The following CSMD1 variants were observed in gnomAD, a reference collection of about 807,000 sequenced individuals.
CSMD1 encodes the protein CUB and Sushi multiple domains 1, also known as CUB and sushi domain-containing protein 1.
Under a neutral mutation model 417.5 loss-of-function variants are expected in CSMD1, and 213 were observed. The ratio of observed to expected loss-of-function variants is 0.51; its 90% confidence interval spans 0.46 to 0.57. The LOEUF (loss-of-function observed/expected upper bound fraction) is 0.57. Ranked by LOEUF, CSMD1 falls within the 20% of genes least tolerant of loss-of-function variation. The probability of loss-of-function intolerance (pLI) is 0.00; values close to 1 mark genes in which losing one functional copy is unlikely to be tolerated. For synonymous variants in CSMD1, 2,862 were observed against 1,736.8 expected (o/e 1.65, Z -16.11); for missense variants, 6,923 against 4,529.7 (o/e 1.53, Z -15.17).
intron 3 of CSMD1, among the ~76,000 whole-genome samples, chr8:4,117,039 G>A (rs553605482): frequency 1.7e-4 from 26 of 151,794 alleles, no homozygotes; most frequent in Non-Finnish European, 2.8e-4. Flanking sequence ...TTCGCAGTTT[G>A]GAAACTGTCA....
chr8:4,556,674 A>G (rs1215927433), intron 2 of CSMD1, among the ~76,000 whole-genome samples: 1 of 152,204 alleles, frequency 6.6e-6, no homozygotes, highest in Non-Finnish European at 1.5e-5. Flanking sequence ...CAAACAACAA[A>G]AGTTTTTTTC....
chr8:3,293,195 G>A (rs556886859), intron 25 of CSMD1, among the ~76,000 whole-genome samples: 76 of 152,224 alleles, frequency 5.0e-4, no homozygotes, highest in African/African-American at 1.1e-3. Flanking sequence ...CGAGAGATCC[G>A]CTGTTGGTCT....
chr8:3,898,090 T>C (rs570969335), intron 5 of CSMD1, among the ~76,000 whole-genome samples: 24 of 152,252 alleles, frequency 1.6e-4, no homozygotes, highest in African/African-American at 5.5e-4. Context: ...TATATTACAA[T>C]CGCCCTGACA....
rs1452709676 is a variant in CSMD1, at chr8:3,408,822, G to C, written c.1745-597C>G. On this transcript the variant is annotated intron_variant, in intron 13 of 69. Transcript: ENST00000635120. Reference sequence around the variant, plus strand: ...TATTATATAAATAATTTTTTGGAGGGAGAAACTGTTGGATTTATCTCTAGA... The same window carrying C: ...TATTATATAAATAATTTTTTGGAGGCAGAAACTGTTGGATTTATCTCTAGA... Among the ~76,000 whole-genome samples the C allele has an allele frequency of 2.6e-5, 4 of 151,894 alleles. 1 individual carries two copies. The highest frequency in any genetic ancestry group is 3.9e-4 in the East Asian group (2 of 5,180).
intron 40 of CSMD1, among the ~76,000 whole-genome samples, chr8:3,150,964 G>A (rs1819159081): frequency 6.6e-6 from 1 of 151,920 alleles, no homozygotes; most frequent in Admixed American, 6.6e-5. Context: ...TAGCAAAAAT[G>A]TATAAAACAA....
At chr8:4,688,637 T>G (rs1435183005) in intron 1 of CSMD1, among the ~76,000 whole-genome samples, 1 of 152,066 alleles carries the variant, frequency 6.6e-6, no homozygotes, top group East Asian at 1.9e-4. Context: ...TCAGAGCCAT[T>G]TGGGGGGGTC....
At position 4,814,662 on chromosome 8, in the gene CSMD1, G is replaced by C. The variant is rs79236464; in HGVS notation, c.86-177104C>G. On this transcript the variant is annotated intron_variant, in intron 1 of 69. Transcript: ENST00000635120. ...TGTGCTGTATACTAGTAGGAGACTT[G>C]GTGTATATGGGTGAACACAACAGCA... Among the ~76,000 whole-genome samples, 191 of 152,216 alleles carry C rather than the reference G, an allele frequency of 1.3e-3. 5 individuals carry two copies. The East Asian group carries it at 0.032, about 25-fold the overall frequency.
At chr8:4,181,610 A>C (rs1218630480) in intron 3 of CSMD1, among the ~76,000 whole-genome samples, 1 of 152,222 alleles carries the variant, frequency 6.6e-6, no homozygotes, top group Non-Finnish European at 1.5e-5. Context: ...TATAAGGCTT[A>C]AAATTCATTT....
chr8:3,484,466 T>C (rs1457878729), intron 11 of CSMD1, among the ~76,000 whole-genome samples: 1 of 152,284 alleles, frequency 6.6e-6, no homozygotes, highest in African/African-American at 2.4e-5. Context: ...AAATGTAATA[T>C]GTAAAACTGT....
intron 23 of CSMD1, among the ~76,000 whole-genome samples, chr8:3,336,677 G>C (rs1225762772): frequency 1.3e-5 from 2 of 152,160 alleles, no homozygotes; most frequent in Non-Finnish European, 2.9e-5. Flanking sequence ...CATCCAGACA[G>C]AGGACCCAGA....
chr8:3,787,840 A>G (rs1366961167), intron 5 of CSMD1, among the ~76,000 whole-genome samples: 1 of 152,230 alleles, frequency 6.6e-6, no homozygotes, highest in Non-Finnish European at 1.5e-5. Context: ...CCTATCTTGC[A>G]AAGCAAGAAA....
intron 3 of CSMD1, among the ~76,000 whole-genome samples, chr8:4,145,440 G>A (rs961921514): frequency 6.6e-6 from 1 of 151,096 alleles, no homozygotes; most frequent in Non-Finnish European, 1.5e-5. Flanking sequence ...TTAATCTACA[G>A]GTTACTATAT....
chr8:3,994,725 C>G (rs974648152), intron 5 of CSMD1, among the ~76,000 whole-genome samples: 1 of 152,146 alleles, frequency 6.6e-6, no homozygotes. Context: ...CACATGACAT[C>G]ATCCCCTATA....
chr8:3,244,244 C>A (rs1036549674), intron 26 of CSMD1, among the ~76,000 whole-genome samples: 1 of 152,120 alleles, frequency 6.6e-6, no homozygotes, highest in African/African-American at 2.4e-5. Flanking sequence ...TTTATTCTTT[C>A]TTTTCCTGTA....
chr8:4,511,924 C>T (rs1802842425), intron 2 of CSMD1, among the ~76,000 whole-genome samples: 1 of 152,140 alleles, frequency 6.6e-6, no homozygotes, highest in Non-Finnish European at 1.5e-5. Flanking sequence ...CAGAGCATTT[C>T]ATTCTTCCTA....
intron 49 of CSMD1, among the ~76,000 whole-genome samples, chr8:3,070,189 T>C (rs1355108905): frequency 6.6e-6 from 1 of 152,222 alleles, no homozygotes; most frequent in Non-Finnish European, 1.5e-5. Context: ...GTCTCTGAAA[T>C]ACCTTCAAGG....
At chr8:3,098,851 C>T (rs1293891712) in intron 46 of CSMD1, among the ~76,000 whole-genome samples, 1 of 152,062 alleles carries the variant, frequency 6.6e-6, no homozygotes, top group African/African-American at 2.4e-5. Flanking sequence ...GTAATAATAG[C>T]TCCCCCTCAG....
intron 5 of CSMD1, among the ~76,000 whole-genome samples, chr8:3,919,111 T>G (rs1809037336): frequency 1.3e-5 from 2 of 149,970 alleles, no homozygotes; most frequent in Non-Finnish European, 3.0e-5. Context: ...TTTCTTTTGC[T>G]GTGCAGAAGA....
Position 3,804,441 on chromosome 8 carries a change from C to T in CSMD1, c.819-50399G>A, listed in dbSNP as rs1329973210. Among the ~76,000 whole-genome samples, 4 of 152,064 alleles carry T rather than the reference C, an allele frequency of 2.6e-5. No homozygotes were observed. The East Asian group carries it at 7.7e-4, about 29-fold the overall frequency. On this transcript the variant is annotated intron_variant, in intron 5 of 69. Transcript: ENST00000635120. ...CCAGAAAATGAAAAATACTATTTTTCTAAATTGACATGACTTACTATAATG... is the reference window on the plus strand; with the variant it reads ...CCAGAAAATGAAAAATACTATTTTTTTAAATTGACATGACTTACTATAATG...
Sources: allele counts gnomAD v4.1 joint callset (sites outside exome capture counted in the v4.1 genomes callset), GRCh38; gene constraint gnomAD v4.1.1; transcripts MANE v1.5; gene names NCBI Gene and HGNC (gene_info 2026-07-23, HGNC 2026-07-21).